WDR17: variants seen among roughly 807,000 people sequenced by gnomAD.
WDR17 encodes the protein WD repeat-containing protein 17.
Under a neutral mutation model 161.7 loss-of-function variants are expected in WDR17, and 143 were observed. The observed-to-expected ratio is 0.88, with a 90% CI of 0.77 to 1.02. The LOEUF is 1.02. WDR17 is among the 50% of genes least tolerant of loss of function. WDR17 has a pLI of 0.00. For missense variants in WDR17, 1,469 were observed against 1,520.9 expected (o/e 0.97, Z 0.57); for synonymous variants, 517 against 515.6 (o/e 1.00, Z -0.04).
chr4:176,135,335 T>C (rs752533321), intron 8 of WDR17, 59 bp downstream of exon 8: 1 of 1,550,670 alleles, frequency 6.4e-7, no homozygotes, highest in Non-Finnish European at 8.9e-7. Flanking sequence ...AAGTTTTATT[T>C]TCATTTGAGT....
At position 176,128,889 on chromosome 4, in the gene WDR17, T is replaced by A. The variant is rs747368684; in HGVS notation, c.913+29T>A. On this transcript the variant is annotated intron_variant, in intron 6 of 28. Transcript: ENST00000508596. ...AGTAAAAATGTTATCAAAATTTTAA[T>A]TTTTAAAAAATATTGTGTTTTCTAT... The A allele has an allele frequency of 3.3e-6, 5 of 1,519,164 alleles. No homozygotes were observed. In the East Asian group the frequency reaches 1.2e-4, roughly 37 times the overall value. 94.1% of individuals were successfully genotyped at this position (1,519,164 alleles called of 1,614,324 possible). A position where few individuals can be genotyped will look rare whatever the true frequency, so the allele number is the denominator to read the frequency against.
chr4:176,086,676 A>T (rs1735463739), intron 1 of WDR17, among the ~76,000 whole-genome samples: 2 of 151,860 alleles, frequency 1.3e-5, no homozygotes, highest in Non-Finnish European at 2.9e-5. Context: ...ACTATTCTGT[A>T]ACCTTTTATT....
At chr4:176,073,060 T>C (rs1190119983) in intron 1 of WDR17, among the ~76,000 whole-genome samples, 1 of 152,164 alleles carries the variant, frequency 6.6e-6, no homozygotes, top group Non-Finnish European at 1.5e-5. Flanking sequence ...CTGCTCAGTA[T>C]CACCTATGAG....
chr4:176,095,874 T>C (rs1286387818), intron 1 of WDR17, among the ~76,000 whole-genome samples: 1 of 152,134 alleles, frequency 6.6e-6, no homozygotes, highest in Non-Finnish European at 1.5e-5. Flanking sequence ...GGCTAGTAAA[T>C]ATTTCCTTCT....
chr4:176,164,055 G>T (rs1377360468), intron 22 of WDR17, among the ~76,000 whole-genome samples: 1 of 152,116 alleles, frequency 6.6e-6, no homozygotes, highest in Admixed American at 6.5e-5. Context: ...CACCCTGGAG[G>T]TGGAGCTATA....
intron 13 of WDR17, among the ~76,000 whole-genome samples, chr4:176,149,431 A>C (rs531082426): frequency 6.6e-6 from 1 of 151,848 alleles, no homozygotes; most frequent in Admixed American, 6.6e-5. Context: ...CACCACACCC[A>C]GCTAATTTCT....
intron 11 of WDR17, among the ~76,000 whole-genome samples, chr4:176,143,857 G>T (rs1745716109): frequency 6.6e-6 from 1 of 151,996 alleles, no homozygotes; most frequent in Non-Finnish European, 1.5e-5. Flanking sequence ...GTTGCAGTCA[G>T]AATGAACATT....
In WDR17 at chr4:176,163,168, C is replaced by T. The variant is rs377140132; in HGVS notation, c.2865C>T (p.Tyr955=). The change falls in exon 22 of 29, where the codon TAC becomes TAT. Residue 955 remains tyrosine, a synonymous_variant. Transcript: ENST00000508596. ...TATTGAGCAAGCTTGCTATGGCATA[C>T]CTGATTCGCGGAAATGAACTGGAGT... is the stretch of plus-strand genomic sequence containing the variant. ...AIDNIELAMA[Y]LIRGNELELA... The T allele has an allele frequency of 1.2e-6, 2 of 1,613,958 alleles. No individual in the cohort carries two copies. Among genetic ancestry groups the T allele is most frequent in the African/African-American group, 1.3e-5 (1 of 74,912 alleles).
At position 176,116,252 on chromosome 4, in the gene WDR17, C is replaced by A. The variant is rs1389490450; in HGVS notation, c.307+273C>A. Among the ~76,000 whole-genome samples the A allele has an allele frequency of 3.3e-5, 5 of 151,570 alleles. No individual in the cohort carries two copies. In the East Asian group the frequency reaches 9.6e-4, roughly 29 times the overall value. ...TGTTTAAATATAATGTAAGAATTTCCAAAATAAATATAAAAATAATAATCA... is the reference window on the plus strand; with the variant it reads ...TGTTTAAATATAATGTAAGAATTTCAAAAATAAATATAAAAATAATAATCA... On this transcript the variant is annotated intron_variant, in intron 3 of 28. Coordinates refer to ENST00000508596, the MANE Select transcript of WDR17 (RefSeq NM_181265.4).
At chr4:176,105,448 G>A (rs929790393) in intron 1 of WDR17, among the ~76,000 whole-genome samples, 14 of 152,016 alleles carry the variant, frequency 9.2e-5, no homozygotes, top group African/African-American at 2.7e-4. Context: ...ATGTTTTCTA[G>A]GATAGACAAT....
intron 6 of WDR17, among the ~76,000 whole-genome samples, chr4:176,130,696 G>A (rs1266239180): frequency 7.1e-6 from 1 of 141,582 alleles, no homozygotes; most frequent in African/African-American, 2.6e-5. Context: ...AGTGAGCCGA[G>A]ATCATGCCAC....
chr4:176,075,400 A>G (rs1271267975), intron 1 of WDR17, among the ~76,000 whole-genome samples: 1 of 152,126 alleles, frequency 6.6e-6, no homozygotes, highest in Non-Finnish European at 1.5e-5. Context: ...TCTAGTACCT[A>G]GGAAAACAAT....
chr4:176,148,925 A>G (rs1746647296), intron 13 of WDR17, among the ~76,000 whole-genome samples: 1 of 152,224 alleles, frequency 6.6e-6, no homozygotes, highest in South Asian at 2.1e-4. Context: ...AAATGGGCAG[A>G]TTAAGAATCC....
In WDR17 at chr4:176,148,353, C is replaced by T; in HGVS notation, c.1897+18C>T. Reference sequence around the variant, plus strand: ...TGTATATGGTAGAGTGTCTTTCATTCTTTCATGTATTTGTTATATTGACAT... The same window carrying T: ...TGTATATGGTAGAGTGTCTTTCATTTTTTCATGTATTTGTTATATTGACAT... On this transcript the variant is annotated intron_variant, in intron 13 of 28. Transcript: ENST00000508596. 1 of 1,603,800 alleles carries T rather than the reference C, an allele frequency of 6.2e-7. No individual in the cohort carries two copies.
chr4:176,152,060 C>G (rs1297931981), intron 17 of WDR17, 93 bp downstream of exon 17: 6 of 1,372,310 alleles, frequency 4.4e-6, no homozygotes, highest in South Asian at 4.4e-5. Context: ...ATAAAAAGCT[C>G]AGCACTTTGG....
In WDR17 at chr4:176,135,194, A is replaced by T. The variant is rs1390161739; in HGVS notation, c.1185A>T (p.Lys395Asn). 12 of 1,612,438 alleles carry T rather than the reference A, an allele frequency of 7.4e-6. No individual in the cohort carries two copies. The East Asian group carries it at 2.5e-4, about 33-fold the overall frequency. The change falls in exon 8 of 29, where the codon AAA (lysine) becomes AAT (asparagine). Residue 395 changes from lysine (K) to asparagine (N), a missense_variant. Lys to Asn is a moderately conservative substitution (Grantham distance 94). Transcript: ENST00000508596. ...CAGCTTCATTTGATGGCACTATAAA[A>T]GTCTGGGATATAAACACATTAACAG... ...LATASFDGTIKVWDINTLTAV... is the reference protein window; with the variant it reads ...LATASFDGTINVWDINTLTAV...
intron 6 of WDR17, among the ~76,000 whole-genome samples, chr4:176,129,081 A>G (rs1017360870): frequency 1.3e-5 from 2 of 152,110 alleles, no homozygotes; most frequent in Admixed American, 6.5e-5. Context: ...TAATGCTACT[A>G]AGTAAGAATA....
intron 1 of WDR17, among the ~76,000 whole-genome samples, chr4:176,082,615 C>A (rs995261274): frequency 4.6e-5 from 7 of 152,056 alleles, no homozygotes; most frequent in Admixed American, 4.6e-4. Flanking sequence ...GGCTTACTTT[C>A]CAAGTTCCAA....
intron 1 of WDR17, among the ~76,000 whole-genome samples, chr4:176,077,153 CA>C (rs1414993879): frequency 8.3e-6 from 1 of 120,574 alleles, no homozygotes; most frequent in Non-Finnish European, 1.7e-5. Flanking sequence ...CTTTTTCTCC[CA>C]ATTTTTTTTT....
Sources: gnomAD v4.1 joint callset for allele counts (sites outside exome capture counted in the v4.1 genomes callset) on GRCh38, gnomAD v4.1.1 for gene constraint, MANE v1.5 for transcripts, NCBI Gene and HGNC (gene_info 2026-07-23, HGNC 2026-07-21) for gene names.